The following SEMA6B variants were observed in gnomAD, a reference collection of about 807,000 sequenced individuals.
SEMA6B encodes semaphorin 6B.
SEMA6B carries 47 observed loss-of-function variants against 78.6 expected under a neutral mutation model. That is an observed-to-expected ratio of 0.60 (90% CI 0.47 to 0.76). The LOEUF (loss-of-function observed/expected upper bound fraction) is 0.76, where lower values mean the gene tolerates loss of function less well. Among genes scored for constraint, SEMA6B ranks in the 30% least tolerant of loss-of-function variants. The pLI is 0.00. For synonymous variants in SEMA6B, 632 were observed against 592.2 expected, an observed-to-expected ratio of 1.07 and a Z score of -0.98; for missense variants, 1,213 against 1,269.9, an observed-to-expected ratio of 0.96 and a Z score of 0.68.
At position 4,550,683 on chromosome 19, in the gene SEMA6B, T is replaced by A. The variant is rs1977305629; in HGVS notation, c.1121+116A>T. 7.6e-7 allele frequency: 1 copy of A among 1,315,554 alleles called. No homozygotes were observed. Among genetic ancestry groups the A allele is most frequent in the East Asian group, 2.4e-5 (1 of 41,956 alleles). 81.5% of individuals were successfully genotyped at this position (1,315,554 alleles called of 1,614,324 possible). The stretch of plus-strand genomic sequence containing the variant: ...CAGGCCTCAGTTTTTCCCAACTGTA[T>A]AACGGGTACAGCTGAACTCAGCATC... On this transcript the variant is annotated intron_variant, in intron 11 of 16. Transcript: ENST00000586582. The surrounding 1 kb of genome is among the most constrained non-coding windows in gnomAD (Gnocchi z 6.6).
rs1462261293 is a variant in SEMA6B at position 4,543,256 on chromosome 19, G to A, written c.*345C>T. 1 of 527,358 alleles carries A rather than the reference G, an allele frequency of 1.9e-6. No homozygotes were observed. Among genetic ancestry groups the A allele is most frequent in the Non-Finnish European group, 3.4e-6 (1 of 297,302 alleles). The allele number at this position is 527,358 out of a possible 1,614,324, so 32.7% of individuals were successfully genotyped here. A position where few individuals can be genotyped will look rare whatever the true frequency, so the allele number is the denominator to read the frequency against. The stretch of plus-strand genomic sequence containing the variant: ...ACCGGCGTCCAAGCCTCCCCTGCCT[G>A]CCGCCACCCCGAGAACGGAGTTGTG... On this transcript the variant is annotated 3_prime_UTR_variant, in exon 17 of 17. Transcript: ENST00000586582.
rs1198204905 is a variant in SEMA6B at position 4,558,749 on chromosome 19, AATT to A, written c.-32-263_-32-261del. 5.3e-5 allele frequency among the ~76,000 whole-genome samples: 8 copies of A among 152,120 alleles called. No individual in the cohort carries two copies. The highest frequency in any genetic ancestry group is 2.6e-4 in the Admixed American group (4 of 15,280). On this transcript the variant is annotated intron_variant, in intron 1 of 16. Coordinates refer to ENST00000586582, the MANE Select transcript of SEMA6B (RefSeq NM_032108.4). The surrounding 1 kb of genome is among the most constrained non-coding windows in gnomAD (Gnocchi z 5.1). ...CATTCGGTAATTTAAAACTAATAATAATTATTATAATAATAGATACAAATATCC... is the reference window on the plus strand; with the variant it reads ...CATTCGGTAATTTAAAACTAATAATAATTATAATAATAGATACAAATATCC...
chr19:4,550,304 C>G lies in SEMA6B; in HGVS notation c.1122-32G>C. ...GTGACAAGGGTGTGGTCAGGACGAA[C>G]GTAAAGGTTCTCATAAAGGGGCCTG... On this transcript the variant is annotated intron_variant, in intron 11 of 16. Transcript: ENST00000586582. The surrounding 1 kb of genome is among the most constrained non-coding windows in gnomAD (Gnocchi z 6.6). 1 of 1,610,092 alleles carries G rather than the reference C, an allele frequency of 6.2e-7. No homozygotes were observed. The highest frequency in any genetic ancestry group is 1.1e-5 in the South Asian group (1 of 91,014).
In SEMA6B at chr19:4,558,605, T is replaced by A. The variant is rs1433530141; in HGVS notation, c.-32-116A>T. On this transcript the variant is annotated intron_variant, in intron 1 of 16. Transcript: ENST00000586582. This position sits in a 1 kb window ranked among gnomAD's most constrained non-coding sequence, Gnocchi z 5.1. Reference sequence around the variant, plus strand: ...CCAGAAAAATTCCTCACGGGGATAATAATTAATAAAAACAATAATGGCAAT... The same window carrying A: ...CCAGAAAAATTCCTCACGGGGATAAAAATTAATAAAAACAATAATGGCAAT... The A allele has an allele frequency of 1.0e-5, 5 of 500,212 alleles. No individual in the cohort carries two copies. Among genetic ancestry groups the A allele is most frequent in the African/African-American group, 9.9e-5 (5 of 50,518 alleles). The allele number at this position is 500,212 out of a possible 1,614,324, so 31.0% of individuals were successfully genotyped here.
Position 4,542,873 on chromosome 19 carries a change from C to T in SEMA6B, c.*728G>A. On this transcript the variant is annotated 3_prime_UTR_variant, in exon 17 of 17. Coordinates refer to ENST00000586582, the MANE Select transcript of SEMA6B (RefSeq NM_032108.4). ...CCTCCTCGTGTCTCCTGCCTGAAAC[C>T]CCGGCATTGTCCCCGCTTCCCTCTG... 1.4e-6 allele frequency: 1 copy of T among 702,062 alleles called. No individual in the cohort carries two copies. Among genetic ancestry groups the T allele is most frequent in the Non-Finnish European group, 2.6e-6 (1 of 384,866 alleles). 43.5% of individuals were successfully genotyped at this position (702,062 alleles called of 1,614,324 possible). A position where few individuals can be genotyped will look rare whatever the true frequency, so the allele number is the denominator to read the frequency against.
In SEMA6B at chr19:4,555,066, C is replaced by T. The variant is rs1318336778; in HGVS notation, c.592G>A (p.Asp198Asn). 9 of 1,613,710 alleles carry T rather than the reference C, an allele frequency of 5.6e-6. No homozygotes were observed. The highest frequency in any genetic ancestry group is 7.6e-6 in the Non-Finnish European group (9 of 1,179,970). Residue 198 changes from aspartate to asparagine, a missense_variant, in exon 8 of 17, where the codon GAC (aspartate) becomes AAC (asparagine). Transcript: ENST00000586582. The surrounding 1 kb of genome is among the most constrained non-coding windows in gnomAD (Gnocchi z 6.1). ...ATGACAGCATCAATGGCTAGGAAGT[C>T]GGTAACAGTAGCTGTGAAGAGCATC... ...DGMLFTATVT[D>N]FLAIDAVIYR...
chr19:4,543,374 T>TGGGGGGGGGGGC lies in SEMA6B; in HGVS notation c.*226_*227insGCCCCCCCCCCC. On this transcript the variant is annotated 3_prime_UTR_variant, in exon 17 of 17. Transcript: ENST00000586582. ...CAACCTCAAATCCATAGCAAAGTCC[T>TGGGGGGGGGGGC]CCCGCCCACCCACCCCCAAACCGTC... is the stretch of plus-strand genomic sequence containing the variant. 1 of 363,590 alleles carries TGGGGGGGGGGGC rather than the reference T, an allele frequency of 2.8e-6. No homozygotes were observed. Among genetic ancestry groups the TGGGGGGGGGGGC allele is most frequent in the Non-Finnish European group, 4.8e-6 (1 of 208,176 alleles). 22.5% of individuals were successfully genotyped at this position (363,590 alleles called of 1,614,324 possible).
chr19:4,544,594 C>T lies in SEMA6B; in HGVS notation c.1739-65G>A, dbSNP rs1977117959. 2.3e-6 allele frequency: 2 copies of T among 886,832 alleles called. No individual in the cohort carries two copies. Among genetic ancestry groups the T allele is most frequent in the Admixed American group, 8.2e-5 (2 of 24,456 alleles). 54.9% of individuals were successfully genotyped at this position (886,832 alleles called of 1,614,324 possible). A position where few individuals can be genotyped will look rare whatever the true frequency, so the allele number is the denominator to read the frequency against. ...GTGGCCCTGGGCATCCCTCCTACCT[C>T]CTCGGGGCCCTCTGTCCTCTTTTTT... is the stretch of plus-strand genomic sequence containing the variant. On this transcript the variant is annotated intron_variant, in intron 16 of 16. Transcript: ENST00000586582. This position sits in a 1 kb window ranked among gnomAD's most constrained non-coding sequence, Gnocchi z 5.1.
chr19:4,551,785 C>T (rs375401598), intron 10 of SEMA6B, among the ~76,000 whole-genome samples: 83 of 151,602 alleles, frequency 5.5e-4, no homozygotes, highest in African/African-American at 1.6e-3. Flanking sequence ...GCCGAGATCG[C>T]GCCACTGCAC....
chr19:4,542,755 G>C lies in SEMA6B; in HGVS notation c.*846C>G, dbSNP rs1000014149. On this transcript the variant is annotated 3_prime_UTR_variant, in exon 17 of 17. Coordinates refer to ENST00000586582, the MANE Select transcript of SEMA6B (RefSeq NM_032108.4). ...CATGGGACTCTCTCACCACCCTGGGGCCGTATTTACAGAGGGGCCCCACCC... is the reference window on the plus strand; with the variant it reads ...CATGGGACTCTCTCACCACCCTGGGCCCGTATTTACAGAGGGGCCCCACCC... 5.7e-6 allele frequency: 4 copies of C among 700,110 alleles called. No individual in the cohort carries two copies. The highest frequency in any genetic ancestry group is 1.0e-5 in the Non-Finnish European group (4 of 384,326). The allele number at this position is 700,110 out of a possible 1,614,324, so 43.4% of individuals were successfully genotyped here.
In SEMA6B at chr19:4,544,333, G is replaced by A. The variant is rs550558046; in HGVS notation, c.1935C>T (p.Gly645=). 64 of 1,524,560 alleles carry A rather than the reference G, an allele frequency of 4.2e-5. No homozygotes were observed. In the African/African-American group the frequency reaches 7.9e-4, roughly 19 times the overall value. The allele number at this position is 1,524,560 out of a possible 1,614,324, so 94.4% of individuals were successfully genotyped here. A position where few individuals can be genotyped will look rare whatever the true frequency, so the allele number is the denominator to read the frequency against. The change falls in exon 17 of 17, where the codon GGC becomes GGT. Residue 645 remains glycine, a synonymous_variant. Transcript: ENST00000586582. This position sits in a 1 kb window ranked among gnomAD's most constrained non-coding sequence, Gnocchi z 5.1. ...DKEAILAHGA[G]EAVLSVSRLG... ...GGCGGCTGACGCTCAGCACCGCCTC[G>A]CCCGCCCCGTGCGCCAGGATGGCCT...
At chr19:4,557,368 A>AC (rs900428000) in intron 3 of SEMA6B, 145 bp from the exon 4 acceptor site, 86 of 609,716 alleles carry the variant, frequency 1.4e-4, no homozygotes, top group Middle Eastern at 2.7e-4. Flanking sequence ...CGCCGACCAC[A>AC]CCCCCCCAAG....
intron 14 of SEMA6B, 26 bp from the exon 15 acceptor site, chr19:4,546,495 G>GACAAGTGTC: frequency 1.3e-6 from 2 of 1,515,780 alleles, no homozygotes; most frequent in South Asian, 2.5e-5. Context: ...GACCGAATGG[G>GACAAGTGTC]ACAAGTGTCC....
intron 9 of SEMA6B, among the ~76,000 whole-genome samples, chr19:4,553,335 T>C (rs1439797202): frequency 6.6e-6 from 1 of 150,778 alleles, no homozygotes; most frequent in Non-Finnish European, 1.5e-5. Flanking sequence ...GATGGATGGA[T>C]GGATGGATGG....
rs1599771366 is a variant in SEMA6B, at chr19:4,543,730, G to A, written c.2538C>T (p.Thr846=). ...HAPPAATLRR[T]HTFNSGEARP... ...GGGCCTCGCCGCTGTTGAACGTGTGGGTGCGGCGCAGGGTGGCGGCCGGAG... is the reference window on the plus strand; with the variant it reads ...GGGCCTCGCCGCTGTTGAACGTGTGAGTGCGGCGCAGGGTGGCGGCCGGAG... Residue 846 remains threonine (T), a synonymous_variant, in exon 17 of 17, where the codon ACC becomes ACT. Transcript: ENST00000586582. The A allele has an allele frequency of 1.6e-6, 2 of 1,228,420 alleles. No homozygotes were observed. The highest frequency in any genetic ancestry group is 2.0e-6 in the Non-Finnish European group (2 of 985,838). 76.1% of individuals were successfully genotyped at this position (1,228,420 alleles called of 1,614,324 possible).
At position 4,559,521 on chromosome 19, in the gene SEMA6B, A is replaced by AC; in HGVS notation, c.-33+8dup. 1 of 151,816 alleles carries AC rather than the reference A, an allele frequency of 6.6e-6. No individual in the cohort carries two copies. The highest frequency in any genetic ancestry group is 1.5e-5 in the Non-Finnish European group (1 of 67,972). 9.4% of individuals were successfully genotyped at this position (151,816 alleles called of 1,614,324 possible). A position where few individuals can be genotyped will look rare whatever the true frequency, so the allele number is the denominator to read the frequency against. ...CATGCTGAAGGTCCCAGTTCAGAGC[A>AC]CCCCCTACCAGAAAGGGGTACAGTC... On this transcript the variant is annotated intron_variant, in intron 1 of 16. Transcript: ENST00000586582.
Position 4,544,101 on chromosome 19 carries a change from G to T in SEMA6B, c.2167C>A (p.Pro723Thr). 1 of 1,266,602 alleles carries T rather than the reference G, an allele frequency of 7.9e-7. No homozygotes were observed. The highest frequency in any genetic ancestry group is 9.9e-7 in the Non-Finnish European group (1 of 1,007,434). 78.5% of individuals were successfully genotyped at this position (1,266,602 alleles called of 1,614,324 possible). A position where few individuals can be genotyped will look rare whatever the true frequency, so the allele number is the denominator to read the frequency against. ...CCCAGGGCGTGGGGGTGCGGGTGCG[G>T]AGTGGGCAGGCGCTTCTGCGGCAGC... The part of the protein sequence containing the change: ...TPLPQKRLPT[P>T]HPHPHALGPR... The change falls in exon 17 of 17, where the codon CCG (proline) becomes ACG (threonine). Residue 723 changes from proline to threonine, a missense_variant. Coordinates refer to ENST00000586582, the MANE Select transcript of SEMA6B (RefSeq NM_032108.4). This position sits in a 1 kb window ranked among gnomAD's most constrained non-coding sequence, Gnocchi z 5.1.
At position 4,558,096 on chromosome 19, in the gene SEMA6B, C is replaced by A; in HGVS notation, c.175G>T (p.Ala59Ser). 6.5e-7 allele frequency: 1 copy of A among 1,534,874 alleles called. No homozygotes were observed. The highest frequency in any genetic ancestry group is 8.8e-7 in the Non-Finnish European group (1 of 1,133,888). ...ATGTTGAGGTCGTCAGCACCTTCTG[C>A]GGGGGTCAGGCGTCCGGGCCCGCTG... The part of the protein sequence containing the change: ...VGSGPGRLTP[A>S]EGADDLNIQR... Residue 59 changes from alanine (A) to serine (S), a missense_variant, in exon 3 of 17, where the codon GCA (alanine) becomes TCA (serine). Ala to Ser is a moderately conservative substitution (Grantham distance 99). Transcript: ENST00000586582. The surrounding 1 kb of genome is among the most constrained non-coding windows in gnomAD (Gnocchi z 5.1).
chr19:4,555,169 G>A lies in SEMA6B; in HGVS notation c.563-74C>T, dbSNP rs1335473288. ...CCAGGGGCTGGGTGGGTCGAAACTCGATTTTCTGAGACTGAGTCCTGAGCC... is the reference window on the plus strand; with the variant it reads ...CCAGGGGCTGGGTGGGTCGAAACTCAATTTTCTGAGACTGAGTCCTGAGCC... On this transcript the variant is annotated intron_variant, in intron 7 of 16. Transcript: ENST00000586582. This position sits in a 1 kb window ranked among gnomAD's most constrained non-coding sequence, Gnocchi z 6.1. The A allele has an allele frequency of 2.7e-6, 4 of 1,503,948 alleles. No individual in the cohort carries two copies. Among genetic ancestry groups the A allele is most frequent in the East Asian group, 4.5e-5 (2 of 44,208 alleles). 93.2% of individuals were successfully genotyped at this position (1,503,948 alleles called of 1,614,324 possible).
Sources: allele counts gnomAD v4.1 joint callset (sites outside exome capture counted in the v4.1 genomes callset), GRCh38; gene constraint gnomAD v4.1.1; non-coding constraint Gnocchi (gnomAD v3.1); transcripts MANE v1.5; gene names NCBI Gene and HGNC (gene_info 2026-07-23, HGNC 2026-07-21).